Variants in MAP4 observed in about 807,000 individuals in gnomAD.
The protein encoded by MAP4 is microtubule associated protein 4.
Under a neutral mutation model 170.2 loss-of-function variants are expected in MAP4, and 76 were observed. That is an observed-to-expected ratio of 0.45 (90% CI 0.37 to 0.54). The LOEUF (loss-of-function observed/expected upper bound fraction) is 0.54, where lower values mean the gene tolerates loss of function less well. Among genes scored for constraint, MAP4 ranks in the 20% least tolerant of loss-of-function variants. MAP4 has a pLI of 0.00. For missense variants in MAP4, 2,506 were observed against 2,748.0 expected (o/e 0.91, Z 1.97); for synonymous variants, 909 against 994.5 (o/e 0.91, Z 1.62).
intron 3 of MAP4, chr3:47,960,653 G>A: frequency 5.8e-6 from 1 of 171,370 alleles, no homozygotes; most frequent in Non-Finnish European, 1.3e-5. Context: ...CTGGCAAGTT[G>A]GTGAACAGTA....
intron 3 of MAP4, among the ~76,000 whole-genome samples, chr3:47,961,495 A>T (rs1338648496): frequency 6.6e-6 from 1 of 152,204 alleles, no homozygotes; most frequent in Admixed American, 6.5e-5. Flanking sequence ...TCATTGTTAT[A>T]TGGGAGCTCA....
intron 1 of MAP4, among the ~76,000 whole-genome samples, chr3:48,004,275 G>A (rs531651425): frequency 6.6e-6 from 1 of 152,286 alleles, no homozygotes; most frequent in South Asian, 2.1e-4. Flanking sequence ...TAATAGCATG[G>A]AGAACATTCA....
chr3:47,875,638 C>G (rs2095104782), intron 12 of MAP4, 47 bp downstream of exon 12: 1 of 1,511,204 alleles, frequency 6.6e-7, no homozygotes, highest in African/African-American at 1.4e-5. Flanking sequence ...ATCTGACACT[C>G]AGAGGGGAAC....
chr3:47,925,105 C>T (rs985521222), intron 4 of MAP4, among the ~76,000 whole-genome samples: 2 of 152,150 alleles, frequency 1.3e-5, no homozygotes, highest in African/African-American at 2.4e-5. Flanking sequence ...CCACCGTGCC[C>T]GGCTGAAGCT....
chr3:48,058,458 T>TC (rs1433188953), intron 1 of MAP4, among the ~76,000 whole-genome samples: 4 of 152,336 alleles, frequency 2.6e-5, no homozygotes, highest in Admixed American at 2.6e-4. Context: ...ACTCTACGTG[T>TC]CCAAGTTTCA....
chr3:47,952,040 C>T (rs373461065), intron 3 of MAP4, among the ~76,000 whole-genome samples: 3 of 150,640 alleles, frequency 2.0e-5, no homozygotes, highest in East Asian at 2.0e-4. Flanking sequence ...TGCCCGGCCG[C>T]GACCCCGTCT....
At chr3:47,853,041 T>C (rs1218337067) in intron 20 of MAP4, 103 bp from the exon 21 acceptor site, 2 of 1,614,060 alleles carry the variant, frequency 1.2e-6, no homozygotes, top group Non-Finnish European at 1.7e-6. Flanking sequence ...ATTAGATGCC[T>C]GGAAAATAAA....
At chr3:47,873,153 C>T (rs914260812) in intron 12 of MAP4, among the ~76,000 whole-genome samples, 3 of 152,110 alleles carry the variant, frequency 2.0e-5, no homozygotes, top group South Asian at 4.2e-4. Context: ...AAGAGGCAGG[C>T]CTGATCAACA....
chr3:48,078,016 G>A (rs940567175), intron 1 of MAP4, among the ~76,000 whole-genome samples: 1 of 152,184 alleles, frequency 6.6e-6, no homozygotes, highest in African/African-American at 2.4e-5. Context: ...GAGGCTGGGT[G>A]AATGAAGGGA....
chr3:48,009,820 G>T (rs1238788416), intron 1 of MAP4, among the ~76,000 whole-genome samples: 1 of 152,102 alleles, frequency 6.6e-6, no homozygotes, highest in Admixed American at 6.6e-5. Flanking sequence ...TGTTCTGCTG[G>T]CCTAGAGGTC....
At chr3:48,002,769 T>TACTC (rs10671018) in intron 1 of MAP4, among the ~76,000 whole-genome samples, 94,123 of 149,860 alleles carry the variant, frequency 0.63, 30,138 homozygotes, top group East Asian at 0.73. Flanking sequence ...TGGTCCCAGT[T>TACTC]AGGAGGCTGA....
At chr3:48,086,866 T>C (rs1476396703) in intron 1 of MAP4, among the ~76,000 whole-genome samples, 1 of 152,210 alleles carries the variant, frequency 6.6e-6, no homozygotes, top group East Asian at 1.9e-4. Context: ...TTGTTTACTT[T>C]GCATGAATAA....
Position 47,912,276 on chromosome 3 carries a change from C to A in MAP4, c.2145G>T (p.Arg715Ser). Residue 715 changes from arginine to serine, a missense_variant, in exon 9 of 21, where the codon AGG (arginine) becomes AGT (serine). By Grantham distance (110) the Arg-to-Ser change is moderately radical (BLOSUM62 -1). Coordinates refer to ENST00000683076, the MANE Select transcript of MAP4 (RefSeq NM_001385682.1). ...GSPPWKTLDH[R>S]LGHCSLSESG... ...ACTCAGACAAAGAGCAGTGGCCCAG[C>A]CTGTGATCAAGAGTCTTCCATGGAG... 1 of 1,536,104 alleles carries A rather than the reference C, an allele frequency of 6.5e-7. No homozygotes were observed. Among genetic ancestry groups the A allele is most frequent in the Non-Finnish European group, 8.7e-7 (1 of 1,146,900 alleles).
chr3:47,854,850 C>G (rs533669099), intron 19 of MAP4, among the ~76,000 whole-genome samples: 1 of 151,878 alleles, frequency 6.6e-6, no homozygotes, highest in Admixed American at 6.5e-5. Context: ...AACCCAGGAG[C>G]GGAGCCTGAC....
chr3:47,869,756 G>C (rs2087859756), intron 15 of MAP4, among the ~76,000 whole-genome samples: 1 of 152,076 alleles, frequency 6.6e-6, no homozygotes. Flanking sequence ...AGACTCTTTA[G>C]GTATGTTGAA....
At chr3:47,871,800 G>A (rs888584799) in intron 13 of MAP4, 117 bp downstream of exon 13, 46 of 947,456 alleles carry the variant, frequency 4.9e-5, no homozygotes, top group East Asian at 2.7e-4. Flanking sequence ...ACTAAGGACC[G>A]GTGCGTAAGC....
chr3:48,034,561 A>G (rs1208521635), intron 1 of MAP4, among the ~76,000 whole-genome samples: 1 of 151,846 alleles, frequency 6.6e-6, no homozygotes, highest in Non-Finnish European at 1.5e-5. Context: ...AAAAAGAGCT[A>G]AGCATTGTGG....
intron 17 of MAP4, among the ~76,000 whole-genome samples, chr3:47,859,123 C>T (rs959275574): frequency 4.6e-5 from 7 of 151,400 alleles, no homozygotes; most frequent in Admixed American, 1.3e-4. Flanking sequence ...AAAGAGACTC[C>T]GCCTCAAAAA....
chr3:47,939,815 C>T (rs1294452249), intron 3 of MAP4, among the ~76,000 whole-genome samples: 1 of 150,864 alleles, frequency 6.6e-6, no homozygotes, highest in African/African-American at 2.4e-5. Context: ...GCATGAAAGT[C>T]TGTTTTTTGT....
Sources: allele counts gnomAD v4.1 joint callset (sites outside exome capture counted in the v4.1 genomes callset), GRCh38; gene constraint gnomAD v4.1.1; transcripts MANE v1.5; gene names NCBI Gene and HGNC (gene_info 2026-07-23, HGNC 2026-07-21).